Variants in PPL observed in about 807,000 individuals in gnomAD.
PPL encodes 190 kDa paraneoplastic pemphigus antigen.
A neutral mutation model predicts 194.4 loss-of-function variants in PPL; 198 were observed. That is an observed-to-expected ratio of 1.02 (90% confidence interval 0.91 to 1.15). PPL has a LOEUF of 1.15. Among genes scored for constraint, PPL ranks in the 50% most tolerant of loss-of-function variants. PPL has a pLI of 0.00. For synonymous variants in PPL, 1,220 were observed against 972.4 expected, an observed-to-expected ratio of 1.25 and a Z score of -4.74; for missense variants, 2,885 against 2,294.8, an observed-to-expected ratio of 1.26 and a Z score of -5.25.
chr16:4,891,753 T>G, intron 16 of PPL, 58 bp downstream of exon 16: 1 of 1,537,834 alleles, frequency 6.5e-7, no homozygotes, highest in Non-Finnish European at 8.8e-7. Flanking sequence ...CGGGTGGATG[T>G]GCCAGATGCT....
intron 2 of PPL, among the ~76,000 whole-genome samples, chr16:4,905,729 CT>C (rs2088668657): frequency 6.6e-6 from 1 of 152,188 alleles, no homozygotes; most frequent in African/African-American, 2.4e-5. Context: ...TCAAGAGTGC[CT>C]TTGCCTGGCT....
intron 1 of PPL, among the ~76,000 whole-genome samples, chr16:4,934,844 C>T (rs1157145658): frequency 6.6e-6 from 1 of 152,158 alleles, no homozygotes; most frequent in Non-Finnish European, 1.5e-5. Flanking sequence ...CCCCACCCCA[C>T]AATCCAGTCT....
intron 18 of PPL, among the ~76,000 whole-genome samples, 162 bp downstream of exon 18, chr16:4,890,022 T>C (rs2660241): frequency 0.34 from 50,995 of 152,050 alleles, 9,056 homozygotes; most frequent in South Asian, 0.5. Context: ...TCTCAGAGGG[T>C]TGGGTGTTGG....
In PPL at chr16:4,883,026, G is replaced by A; in HGVS notation, c.*358C>T. On this transcript the variant is annotated 3_prime_UTR_variant, in exon 22 of 22. Transcript: ENST00000345988. This position sits in a 1 kb window ranked among gnomAD's most constrained non-coding sequence, Gnocchi z 4.8. ...GTGCCACCAGTACCCATGCTGCAAGGAGTGGGCTTGGCTGCTGTGGTTGGC... is the reference window on the plus strand; with the variant it reads ...GTGCCACCAGTACCCATGCTGCAAGAAGTGGGCTTGGCTGCTGTGGTTGGC... 3.6e-6 allele frequency: 1 copy of A among 281,236 alleles called. No individual in the cohort carries two copies. Among genetic ancestry groups the A allele is most frequent in the South Asian group, 3.6e-5 (1 of 27,706 alleles). The allele number at this position is 281,236 out of a possible 1,614,324, so 17.4% of individuals were successfully genotyped here.
chr16:4,922,634 C>T (rs576840194), intron 1 of PPL, among the ~76,000 whole-genome samples: 2 of 152,224 alleles, frequency 1.3e-5, no homozygotes, highest in African/African-American at 4.8e-5. Context: ...TGCACTCCAG[C>T]CTGGGTGACA....
rs563369077 is a variant in PPL, at chr16:4,911,558, G to A, written c.63-609C>T. Among the ~76,000 whole-genome samples, 24 of 151,862 alleles carry A rather than the reference G, an allele frequency of 1.6e-4. 1 individual carries two copies. Among genetic ancestry groups the A allele is most frequent in the Non-Finnish European group, 2.5e-4 (17 of 67,974 alleles). ...ATTCATTCATTCATTTTATTGAGAC[G>A]GAGTCTCACACTCTTGCCCAGGCTG... On this transcript the variant is annotated intron_variant, in intron 1 of 21. Transcript: ENST00000345988.
chr16:4,893,575 C>T lies in PPL; in HGVS notation c.1458G>A (p.Gln486=), dbSNP rs1471365527. 41 of 1,612,130 alleles carry T rather than the reference C, an allele frequency of 2.5e-5. No homozygotes were observed. The highest frequency in any genetic ancestry group is 3.4e-5 in the Non-Finnish European group (40 of 1,179,800). ...TCTCGGTCTTCAGCACCTCATACCG[C>T]TGCTGCAGCGTGCGTTTGCTCCCAG... ...KAAGSKRTLQ[Q]RYEVLKTENP... The change falls in exon 13 of 22, where the codon CAG becomes CAA. Residue 486 remains glutamine (Q), a synonymous_variant. Coordinates refer to ENST00000345988, the MANE Select transcript of PPL (RefSeq NM_002705.5).
chr16:4,932,905 G>A (rs925024608), intron 1 of PPL, among the ~76,000 whole-genome samples: 6 of 152,094 alleles, frequency 3.9e-5, no homozygotes, highest in Admixed American at 6.5e-5. Flanking sequence ...CTGAGGCTCG[G>A]AGACATTAAG....
intron 1 of PPL, among the ~76,000 whole-genome samples, chr16:4,932,466 G>C (rs903647600): frequency 6.6e-6 from 1 of 151,364 alleles, no homozygotes; most frequent in Non-Finnish European, 1.5e-5. Flanking sequence ...CTGGAGTGCA[G>C]TGGTGTGATC....
Position 4,895,515 on chromosome 16 carries a change from T to C in PPL, c.1095+79A>G, listed in dbSNP as rs546259621. On this transcript the variant is annotated intron_variant, in intron 10 of 21. Coordinates refer to ENST00000345988, the MANE Select transcript of PPL (RefSeq NM_002705.5). ...GCAGGTGGGGTGCTGTGGAGGGGCC[T>C]GTACAGGGCTGAGGGCAGGCATGGT... 213 of 1,608,044 alleles carry C rather than the reference T, an allele frequency of 1.3e-4. No homozygotes were observed. In the East Asian group the frequency reaches 4.5e-3, roughly 34 times the overall value.
At chr16:4,909,720 C>T (rs79297306) in intron 2 of PPL, among the ~76,000 whole-genome samples, 6,258 of 152,202 alleles carry the variant, frequency 0.041, 130 homozygotes, top group African/African-American at 0.051. Flanking sequence ...TGAGCCATTA[C>T]GCACCTGGCC....
chr16:4,889,317 C>T (rs377524239), intron 18 of PPL, among the ~76,000 whole-genome samples: 33 of 129,858 alleles, frequency 2.5e-4, no homozygotes, highest in African/African-American at 5.9e-4. Context: ...TACAGTGGCG[C>T]GATCTCAGCT....
intron 1 of PPL, among the ~76,000 whole-genome samples, chr16:4,932,664 C>T (rs1179839238): frequency 2.0e-5 from 3 of 152,168 alleles, no homozygotes; most frequent in East Asian, 1.9e-4. Context: ...GTGATCCGTC[C>T]GCCTTACCCT....
At chr16:4,917,837 G>A (rs1202957338) in intron 1 of PPL, among the ~76,000 whole-genome samples, 1 of 152,142 alleles carries the variant, frequency 6.6e-6, no homozygotes, top group Non-Finnish European at 1.5e-5. Context: ...AGGGGGTTGA[G>A]GCTGCAGTGA....
chr16:4,927,077 G>C (rs2089168187), intron 1 of PPL, among the ~76,000 whole-genome samples: 2 of 152,038 alleles, frequency 1.3e-5, no homozygotes, highest in Admixed American at 6.6e-5. Flanking sequence ...TGGTGGAGTA[G>C]GTTCAAACAC....
intron 1 of PPL, among the ~76,000 whole-genome samples, chr16:4,919,998 C>G (rs934066094): frequency 4.0e-5 from 6 of 151,610 alleles, no homozygotes; most frequent in African/African-American, 1.5e-4. Flanking sequence ...AGAAACACCT[C>G]AGTCAGGCCA....
chr16:4,929,765 C>T (rs1398094084), intron 1 of PPL, among the ~76,000 whole-genome samples: 2 of 152,196 alleles, frequency 1.3e-5, no homozygotes, highest in East Asian at 1.9e-4. Context: ...CAGCTCACTG[C>T]AGCCTTGAAT....
In PPL at chr16:4,883,417, C is replaced by A; in HGVS notation, c.5238G>T (p.Gln1746His). The A allele has an allele frequency of 1.2e-6, 2 of 1,614,176 alleles. No individual in the cohort carries two copies. The highest frequency in any genetic ancestry group is 1.7e-6 in the Non-Finnish European group (2 of 1,180,034). Residue 1746 changes from glutamine to histidine, a missense_variant, in exon 22 of 22, where the codon CAG becomes CAT. By Grantham distance (24) the Gln-to-His change is conservative. Transcript: ENST00000345988. This position sits in a 1 kb window ranked among gnomAD's most constrained non-coding sequence, Gnocchi z 4.8. ...DRYVNKDMSI[Q>H]ELAVLVSGQK ...GCCCAGATACCAAGACCGCCAGCTC[C>A]TGGATGGACATATCCTTGTTGACAT...
intron 9 of PPL, among the ~76,000 whole-genome samples, chr16:4,896,452 A>T (rs2088430158): frequency 6.6e-6 from 1 of 152,170 alleles, no homozygotes. Flanking sequence ...CCCGGAAAAC[A>T]TGATGCTCAG....
Sources: allele counts gnomAD v4.1 joint callset (sites outside exome capture counted in the v4.1 genomes callset), GRCh38; gene constraint gnomAD v4.1.1; non-coding constraint Gnocchi (gnomAD v3.1); transcripts MANE v1.5; gene names NCBI Gene and HGNC (gene_info 2026-07-23, HGNC 2026-07-21).